STX8: variants seen among roughly 807,000 people sequenced by gnomAD.
STX8 encodes syntaxin-8.
Under a neutral mutation model 37.5 loss-of-function variants are expected in STX8, and 23 were observed. The observed-to-expected ratio is 0.61, with a 90% CI of 0.44 to 0.87. The LOEUF is 0.87. STX8 is among the 40% of genes least tolerant of loss of function. The pLI is 0.00. For missense variants in STX8, 313 were observed against 284.7 expected, an observed-to-expected ratio of 1.10 and a Z score of -0.71; for synonymous variants, 115 against 99.1, an observed-to-expected ratio of 1.16 and a Z score of -0.95.
chr17:9,317,691 G>A (rs183093862), intron 7 of STX8, among the ~76,000 whole-genome samples: 118 of 152,008 alleles, frequency 7.8e-4, no homozygotes, highest in Admixed American at 3.0e-3. Context: ...TCGTGAACCC[G>A]GGAGGTGGAG....
At chr17:9,385,500 G>C (rs1911966141) in intron 6 of STX8, among the ~76,000 whole-genome samples, 1 of 152,086 alleles carries the variant, frequency 6.6e-6, no homozygotes, top group African/African-American at 2.4e-5. Context: ...ATAGGCAAAA[G>C]ATCTGAACAG....
chr17:9,361,822 T>C (rs1374819043), intron 7 of STX8, among the ~76,000 whole-genome samples: 1 of 152,222 alleles, frequency 6.6e-6, no homozygotes, highest in African/African-American at 2.4e-5. Flanking sequence ...AGGAAGGTAA[T>C]CTGATATTTG....
At chr17:9,378,467 CA>C (rs1199291935) in intron 7 of STX8, 84 bp downstream of exon 7, 13 of 1,226,120 alleles carry the variant, frequency 1.1e-5, no homozygotes, top group Non-Finnish European at 1.1e-5. Flanking sequence ...CAAATCCCCA[CA>C]GTAATTAGAC....
intron 6 of STX8, among the ~76,000 whole-genome samples, chr17:9,438,385 C>A (rs1904517316): frequency 6.6e-6 from 1 of 151,096 alleles, no homozygotes; most frequent in Admixed American, 6.6e-5. Context: ...CTGGCATCGT[C>A]TGAGAGCTGG....
At chr17:9,281,525 TG>T (rs1907882438) in intron 7 of STX8, among the ~76,000 whole-genome samples, 2 of 141,178 alleles carry the variant, frequency 1.4e-5, no homozygotes, top group African/African-American at 5.4e-5. Context: ...ACTTGTCTTT[TG>T]GGTAGTGAGC....
At chr17:9,356,090 T>C (rs1910872810) in intron 7 of STX8, among the ~76,000 whole-genome samples, 1 of 152,138 alleles carries the variant, frequency 6.6e-6, no homozygotes, top group Non-Finnish European at 1.5e-5. Context: ...CCAACTTAAC[T>C]AGAAGACATT....
At chr17:9,348,254 C>T (rs1910596099) in intron 7 of STX8, among the ~76,000 whole-genome samples, 2 of 151,820 alleles carry the variant, frequency 1.3e-5, no homozygotes, top group East Asian at 1.9e-4. Context: ...CCCATCTCTA[C>T]TAAAAATACA....
At chr17:9,488,569 C>T (rs111649301) in intron 6 of STX8, among the ~76,000 whole-genome samples, 1 of 152,108 alleles carries the variant, frequency 6.6e-6, no homozygotes, top group South Asian at 2.1e-4. Flanking sequence ...GTCAGAGGTA[C>T]AAGTGATGCC....
rs375510266 is a variant in STX8 at position 9,487,601 on chromosome 17, C to T, written c.541+4228G>A. 2.6e-5 allele frequency among the ~76,000 whole-genome samples: 4 copies of T among 152,294 alleles called. No individual in the cohort carries two copies. In the East Asian group the frequency reaches 7.7e-4, roughly 29 times the overall value. ...CATTAGAAAACCACCAGCATAGCTG[C>T]CTTCTCTCCGGGAGGCCACCACAGA... is the stretch of plus-strand genomic sequence containing the variant. On this transcript the variant is annotated intron_variant, in intron 6 of 7. Coordinates refer to ENST00000306357, the MANE Select transcript of STX8 (RefSeq NM_004853.3).
At chr17:9,397,747 G>T (rs189372198) in intron 6 of STX8, among the ~76,000 whole-genome samples, 1 of 152,100 alleles carries the variant, frequency 6.6e-6, no homozygotes, top group East Asian at 1.9e-4. Context: ...AGGTCAAGAG[G>T]GGTGATCACT....
At chr17:9,259,147 C>T (rs1028999278) in intron 7 of STX8, among the ~76,000 whole-genome samples, 2 of 152,154 alleles carry the variant, frequency 1.3e-5, no homozygotes, top group Non-Finnish European at 2.9e-5. Flanking sequence ...TACTATGACA[C>T]GTTGGGAAAG....
At chr17:9,464,231 GAAAC>G (rs1266799197) in intron 6 of STX8, among the ~76,000 whole-genome samples, 2 of 152,206 alleles carry the variant, frequency 1.3e-5, no homozygotes, top group South Asian at 4.1e-4. Flanking sequence ...GCTTTAGAAA[GAAAC>G]ATTTTTCTCA....
chr17:9,536,874 G>A (rs9900077), intron 4 of STX8, among the ~76,000 whole-genome samples: 1 of 151,894 alleles, frequency 6.6e-6, no homozygotes, highest in Non-Finnish European at 1.5e-5. Flanking sequence ...CTCCCGAATA[G>A]CTGGGATTAC....
chr17:9,306,984 C>T (rs940699179), intron 7 of STX8, among the ~76,000 whole-genome samples: 2 of 151,556 alleles, frequency 1.3e-5, no homozygotes, highest in Non-Finnish European at 2.9e-5. Context: ...ATTAGCTGGG[C>T]GTGGTGGTGC....
At chr17:9,439,302 A>G (rs1904555569) in intron 6 of STX8, among the ~76,000 whole-genome samples, 1 of 152,190 alleles carries the variant, frequency 6.6e-6, no homozygotes. Flanking sequence ...AGTACTGAGC[A>G]GAGCAAGACC....
chr17:9,479,059 T>C (rs1269746389), intron 6 of STX8, among the ~76,000 whole-genome samples: 1 of 152,118 alleles, frequency 6.6e-6, no homozygotes, highest in East Asian at 1.9e-4. Flanking sequence ...TTATTGCTGT[T>C]TTTCACTATC....
At chr17:9,444,761 G>A (rs1167756914) in intron 6 of STX8, among the ~76,000 whole-genome samples, 1 of 152,010 alleles carries the variant, frequency 6.6e-6, no homozygotes, top group Non-Finnish European at 1.5e-5. Context: ...ATTTCTTTAG[G>A]ATACTGGCTG....
intron 1 of STX8, 126 bp from the exon 2 acceptor site, chr17:9,568,596 G>T (rs1054493895): frequency 1.5e-6 from 1 of 660,890 alleles, no homozygotes; most frequent in African/African-American, 1.9e-5. Context: ...TGCCTCCTGG[G>T]TTCGCACCAT....
At chr17:9,334,138 C>T (rs1230499935) in intron 7 of STX8, among the ~76,000 whole-genome samples, 2 of 47,114 alleles carry the variant, frequency 4.2e-5, no homozygotes, top group African/African-American at 2.1e-4. Context: ...TTCCTGGGTG[C>T]GGGGGGGTGT....
Sources: allele counts gnomAD v4.1 joint callset (sites outside exome capture counted in the v4.1 genomes callset), GRCh38; gene constraint gnomAD v4.1.1; transcripts MANE v1.5; gene names NCBI Gene and HGNC (gene_info 2026-07-23, HGNC 2026-07-21).